CALN1: variants seen among roughly 807,000 people sequenced by gnomAD.
CALN1 encodes the protein calneuron 1.
Under a neutral mutation model 30.6 loss-of-function variants are expected in CALN1, and 17 were observed. That is an observed-to-expected ratio of 0.56 (90% confidence interval 0.38 to 0.83). The LOEUF is 0.83. Ranked by LOEUF, CALN1 falls within the 40% of genes least tolerant of loss-of-function variation. The probability of loss-of-function intolerance (pLI) is 0.00; values close to 1 mark genes in which losing one functional copy is unlikely to be tolerated. For synonymous variants in CALN1, 156 were observed against 131.4 expected (o/e 1.19, Z -1.28); for missense variants, 291 against 354.9 (o/e 0.82, Z 1.45).
chr7:72,310,588 C>A (rs1005178979), intron 2 of CALN1, among the ~76,000 whole-genome samples: 2 of 151,746 alleles, frequency 1.3e-5, no homozygotes, highest in African/African-American at 4.8e-5. Context: ...ACACTTGATG[C>A]ATCTGGTGAC....
chr7:72,194,489 C>G (rs1790843422), intron 3 of CALN1, among the ~76,000 whole-genome samples: 1 of 152,052 alleles, frequency 6.6e-6, no homozygotes, highest in South Asian at 2.1e-4. Context: ...AGGATTTCAC[C>G]ACTGCACTTC....
At chr7:71,893,006 G>C (rs1793331621) in intron 5 of CALN1, among the ~76,000 whole-genome samples, 1 of 152,036 alleles carries the variant, frequency 6.6e-6, no homozygotes, top group South Asian at 2.1e-4. Context: ...CTTTGAAATT[G>C]ACTCTGAAAA....
intron 1 of CALN1, among the ~76,000 whole-genome samples, chr7:72,444,706 T>C (rs774615006): frequency 8.5e-5 from 13 of 152,134 alleles, no homozygotes; most frequent in Admixed American, 1.3e-4. Flanking sequence ...GCAGCTGCAA[T>C]TGAAAGAAGA....
intron 5 of CALN1, among the ~76,000 whole-genome samples, chr7:71,813,655 C>T (rs924876060): frequency 3.9e-5 from 6 of 152,148 alleles, no homozygotes; most frequent in East Asian, 3.9e-4. Context: ...TGGGGCCGGG[C>T]GCGGTGGCTC....
chr7:72,337,079 G>C (rs1802113463), intron 2 of CALN1: 4 of 985,838 alleles, frequency 4.1e-6, no homozygotes, highest in South Asian at 4.7e-5. Context: ...GGCCGCGCGG[G>C]TTCAGCCCAT....
Position 72,317,547 on chromosome 7 carries a change from G to C in CALN1, c.120-38737C>G, listed in dbSNP as rs527279183. 7.2e-5 allele frequency among the ~76,000 whole-genome samples: 11 copies of C among 152,332 alleles called. No homozygotes were observed. The East Asian group carries it at 2.1e-3, about 29-fold the overall frequency. ...AACTGATGACAGCCAGCATCTGGTAGGATGGGACAGCTGGGCTGCAAACGC... is the reference window on the plus strand; with the variant it reads ...AACTGATGACAGCCAGCATCTGGTACGATGGGACAGCTGGGCTGCAAACGC... On this transcript the variant is annotated intron_variant, in intron 2 of 6. Coordinates refer to ENST00000395275, the MANE Select transcript of CALN1 (RefSeq NM_031468.4).
At chr7:72,392,803 C>A (rs1805662063) in intron 2 of CALN1, among the ~76,000 whole-genome samples, 1 of 149,894 alleles carries the variant, frequency 6.7e-6, no homozygotes, top group South Asian at 2.1e-4. Context: ...CATAGCAAGA[C>A]CCTGTTTAAA....
At chr7:71,959,191 G>A (rs1440738102) in intron 5 of CALN1, among the ~76,000 whole-genome samples, 1 of 152,138 alleles carries the variant, frequency 6.6e-6, no homozygotes, top group Admixed American at 6.5e-5. Flanking sequence ...TGATGAGTCA[G>A]GTCTCATGGT....
intron 4 of CALN1, among the ~76,000 whole-genome samples, chr7:72,044,202 C>T (rs1367239393): frequency 6.6e-6 from 1 of 152,126 alleles, no homozygotes; most frequent in Non-Finnish European, 1.5e-5. Flanking sequence ...CTCCCCTCTC[C>T]TCCAAATAGC....
chr7:72,076,611 C>CAA lies in CALN1; in HGVS notation c.388+29538_388+29539dup, dbSNP rs572245834. Among the ~76,000 whole-genome samples the CAA allele has an allele frequency of 1.6e-3, 10 of 6,126 alleles. 1 individual carries two copies. The highest frequency in any genetic ancestry group is 3.2e-3 in the Non-Finnish European group (10 of 3,124). 4.0% of individuals were successfully genotyped at this position (6,126 alleles called of 152,430 possible). On this transcript the variant is annotated intron_variant, in intron 4 of 6. Coordinates refer to ENST00000395275, the MANE Select transcript of CALN1 (RefSeq NM_031468.4). ...GAAACTCCGTCTAGAAAAAAAAAAG[C>CAA]AAAAAAAAAAAAAAAAAAAAAAAAA...
chr7:72,124,615 G>A (rs1459252497), intron 3 of CALN1, among the ~76,000 whole-genome samples: 2 of 151,916 alleles, frequency 1.3e-5, no homozygotes, highest in Non-Finnish European at 2.9e-5. Flanking sequence ...CCCTACCACT[G>A]CACTCTAACC....
intron 3 of CALN1, among the ~76,000 whole-genome samples, chr7:72,268,583 A>C (rs1444487897): frequency 6.6e-6 from 1 of 152,176 alleles, no homozygotes; most frequent in Non-Finnish European, 1.5e-5. Flanking sequence ...AGGCAGGCAG[A>C]TCCCTTGAGC....
chr7:72,029,364 T>C (rs1801293964), intron 4 of CALN1, among the ~76,000 whole-genome samples: 1 of 152,166 alleles, frequency 6.6e-6, no homozygotes, highest in Non-Finnish European at 1.5e-5. Flanking sequence ...TCCGCCCACC[T>C]CAGCCTCCCA....
At chr7:72,298,815 A>G (rs1236516186) in intron 2 of CALN1, among the ~76,000 whole-genome samples, 2 of 151,440 alleles carry the variant, frequency 1.3e-5, no homozygotes, top group Admixed American at 6.6e-5. Context: ...AAAAAAAAAA[A>G]AAAGAGGGGA....
rs1443779632 is a variant in CALN1 at position 71,811,647 on chromosome 7, T to C, written c.502-1155A>G. Among the ~76,000 whole-genome samples the C allele has an allele frequency of 4.7e-5, 7 of 150,494 alleles. No individual in the cohort carries two copies. In the Admixed American group the frequency reaches 4.7e-4, roughly 10 times the overall value. Reference sequence around the variant, plus strand: ...ACTGTACTTTTCCACTCCATTTATATTAGGTTTGATAGTGTCGCTTTCTTT... The same window carrying C: ...ACTGTACTTTTCCACTCCATTTATACTAGGTTTGATAGTGTCGCTTTCTTT... On this transcript the variant is annotated intron_variant, in intron 5 of 6. Transcript: ENST00000395275.
Position 72,290,197 on chromosome 7 carries a change from C to A in CALN1, c.120-11387G>T, listed in dbSNP as rs375266450. Among the ~76,000 whole-genome samples, 4 of 146,066 alleles carry A rather than the reference C, an allele frequency of 2.7e-5. No homozygotes were observed. The South Asian group carries it at 6.7e-4, about 25-fold the overall frequency. Reference sequence around the variant, plus strand: ...GTGGGCTCTCACAAGCCAGTATGAGCTTATGAGCTAGCTCCAGCATGTCAC... The same window carrying A: ...GTGGGCTCTCACAAGCCAGTATGAGATTATGAGCTAGCTCCAGCATGTCAC... On this transcript the variant is annotated intron_variant, in intron 2 of 6. Coordinates refer to ENST00000395275, the MANE Select transcript of CALN1 (RefSeq NM_031468.4).
At chr7:72,041,607 C>T (rs1802131759) in intron 4 of CALN1, among the ~76,000 whole-genome samples, 1 of 152,132 alleles carries the variant, frequency 6.6e-6, no homozygotes. Flanking sequence ...TGGTCTCAAA[C>T]TCCTGACCTC....
intron 4 of CALN1, among the ~76,000 whole-genome samples, chr7:72,053,430 A>G (rs1802968447): frequency 6.6e-6 from 1 of 152,202 alleles, no homozygotes; most frequent in Non-Finnish European, 1.5e-5. Context: ...ATACCCAGTA[A>G]TGGGAGTGCT....
chr7:72,339,852 T>C (rs1264971511), intron 2 of CALN1, among the ~76,000 whole-genome samples: 1 of 152,146 alleles, frequency 6.6e-6, no homozygotes, highest in Non-Finnish European at 1.5e-5. Flanking sequence ...CCTGTGCCCA[T>C]GATTCAATTT....
Sources: allele counts gnomAD v4.1 joint callset (sites outside exome capture counted in the v4.1 genomes callset), GRCh38; gene constraint gnomAD v4.1.1; transcripts MANE v1.5; gene names NCBI Gene and HGNC (gene_info 2026-07-23, HGNC 2026-07-21).